AFF2: variants seen among roughly 807,000 people sequenced by gnomAD.
AFF2 encodes the protein AF4/FMR2 family member 2.
AFF2 carries 14 observed loss-of-function variants against 76.9 expected under a neutral mutation model. The ratio of observed to expected loss-of-function variants is 0.18; its 90% confidence interval spans 0.12 to 0.28. The LOEUF is 0.28. Ranked by LOEUF, AFF2 falls within the 10% of genes least tolerant of loss-of-function variation. The pLI, the probability that AFF2 is intolerant of heterozygous loss-of-function variation, is 1.00. For missense variants in AFF2, 868 were observed against 1,001.1 expected (o/e 0.87, Z 1.79); for synonymous variants, 398 against 366.7 (o/e 1.09, Z -0.98).
At chrX:148,960,537 C>G (rs1280103988) in intron 12 of AFF2, among the ~76,000 whole-genome samples, 1 of 112,623 alleles carries the variant, frequency 8.9e-6, no homozygotes, top group Non-Finnish European at 1.9e-5. Context: ...TGAGTTTTCT[C>G]TGGAAAACTT....
chrX:148,963,024 G>A (rs907257442), intron 13 of AFF2, 87 bp downstream of exon 13: 99 of 607,573 alleles, frequency 1.6e-4, no homozygotes, highest in Non-Finnish European at 2.4e-4. Context: ...GATGTTGCAG[G>A]AGGAAGGGAG....
chrX:148,733,897 C>CA (rs2055255473), intron 3 of AFF2, among the ~76,000 whole-genome samples: 2 of 112,345 alleles, frequency 1.8e-5, no homozygotes, highest in Non-Finnish European at 3.8e-5. Context: ...CAGAAGGAGA[C>CA]CAAAACCTAC....
At chrX:148,681,285 C>T (rs1193539653) in intron 3 of AFF2, among the ~76,000 whole-genome samples, 1 of 111,619 alleles carries the variant, frequency 9.0e-6, no homozygotes, top group African/African-American at 3.3e-5. Context: ...CTTGGGGCTG[C>T]TTATGTTTTA....
intron 3 of AFF2, among the ~76,000 whole-genome samples, chrX:148,763,377 A>G (rs1364966700): frequency 5.4e-5 from 6 of 111,584 alleles, no homozygotes; most frequent in African/African-American, 2.0e-4. Flanking sequence ...TCCTAGAACC[A>G]GTATTAGTTT....
intron 1 of AFF2, among the ~76,000 whole-genome samples, chrX:148,587,678 A>G (rs972231369): frequency 1.8e-5 from 2 of 112,168 alleles, no homozygotes; most frequent in African/African-American, 3.2e-5. Context: ...TGATTGTTGA[A>G]AAGTGGCTGA....
chrX:148,522,614 G>A (rs782491447), intron 1 of AFF2, among the ~76,000 whole-genome samples: 4 of 111,583 alleles, frequency 3.6e-5, no homozygotes, highest in African/African-American at 1.3e-4. Flanking sequence ...TGCTCATCGG[G>A]TCTTTGCAAA....
At chrX:148,588,126 C>G (rs2053486782) in intron 1 of AFF2, among the ~76,000 whole-genome samples, 1 of 112,827 alleles carries the variant, frequency 8.9e-6, no homozygotes, top group African/African-American at 3.2e-5. Context: ...GGTTCTTATG[C>G]AGTACATGTA....
rs1384870724 is a variant in AFF2 at position 148,631,261 on chromosome X, A to G, written c.48-20738A>G. ...CAGTCTAAGAAAGTAGTGAAATTAT[A>G]TTGATAAACGATTTACAATTACATC... On this transcript the variant is annotated intron_variant, in intron 1 of 20. Coordinates refer to ENST00000370460, the MANE Select transcript of AFF2 (RefSeq NM_002025.4). Among the ~76,000 whole-genome samples the G allele has an allele frequency of 2.7e-5, 3 of 112,207 alleles. No individual in the cohort carries two copies. In the Admixed American group the frequency reaches 2.8e-4, roughly 11 times the overall value.
chrX:148,914,190 G>A (rs2071501407), intron 9 of AFF2, among the ~76,000 whole-genome samples: 2 of 111,523 alleles, frequency 1.8e-5, no homozygotes, highest in South Asian at 7.6e-4. Context: ...AGTGGGGAGA[G>A]GCCTTTCAAG....
Position 148,652,077 on chromosome X carries a change from T to A in AFF2, c.126T>A (p.Asp42Glu). The A allele has an allele frequency of 8.3e-7, 1 of 1,201,585 alleles. No homozygotes were observed. Among genetic ancestry groups the A allele is most frequent in the Non-Finnish European group, 1.1e-6 (1 of 886,676 alleles). Reference sequence around the variant, plus strand: ...ATCAAGAAGTCCAGCAAGAAGACGATCTCTTTTCTTCAGGCTTTGATCTTT... The same window carrying A: ...ATCAAGAAGTCCAGCAAGAAGACGAACTCTTTTCTTCAGGCTTTGATCTTT... ...RRNQEVQQED[D>E]LFSSGFDLFG... Residue 42 changes from aspartate (D) to glutamate (E), a missense_variant, in exon 2 of 21, where the codon GAT (aspartate) becomes GAA (glutamate). Asp to Glu is a conservative substitution (Grantham distance 45). This residue lies in a region of AFF2 where 196 missense variants were observed against 194.8 expected (regional missense o/e 1.01). Transcript: ENST00000370460.
At chrX:148,744,372 T>C (rs1345692817) in intron 3 of AFF2, among the ~76,000 whole-genome samples, 1 of 112,202 alleles carries the variant, frequency 8.9e-6, no homozygotes, top group African/African-American at 3.2e-5. Context: ...ATCTTGCATG[T>C]ATGTAAACGT....
chrX:148,909,127 A>G (rs959215910), intron 9 of AFF2, among the ~76,000 whole-genome samples: 2 of 112,090 alleles, frequency 1.8e-5, no homozygotes, highest in Non-Finnish European at 3.8e-5. Flanking sequence ...TTGTGTGTTT[A>G]GGACTTTCTA....
chrX:148,657,459 A>G (rs781988345), intron 2 of AFF2, among the ~76,000 whole-genome samples: 49 of 112,590 alleles, frequency 4.4e-4, no homozygotes, highest in Non-Finnish European at 8.2e-4. Flanking sequence ...AAAAAGAAAT[A>G]CTATGGTACA....
At chrX:148,985,285 CTTTTTTTTTT>C (rs151339705) in intron 19 of AFF2, among the ~76,000 whole-genome samples, 12 of 15,383 alleles carry the variant, frequency 7.8e-4, no homozygotes, top group African/African-American at 1.8e-3. Flanking sequence ...TGTGCCTGGC[CTTTTTTTTTT>C]TTTTTTTTTT....
chrX:148,862,320 G>A (rs1346682510), intron 7 of AFF2, among the ~76,000 whole-genome samples: 2 of 111,088 alleles, frequency 1.8e-5, no homozygotes, highest in African/African-American at 6.5e-5. Flanking sequence ...CTGGCTTGTT[G>A]AGGCCACTCA....
intron 1 of AFF2, among the ~76,000 whole-genome samples, chrX:148,581,846 C>G (rs1217648338): frequency 8.9e-6 from 1 of 111,951 alleles, no homozygotes; most frequent in Non-Finnish European, 1.9e-5. Context: ...TGGTACTAAT[C>G]TATCTAAATA....
intron 9 of AFF2, among the ~76,000 whole-genome samples, chrX:148,929,750 A>G (rs782640376): frequency 8.9e-6 from 1 of 111,954 alleles, no homozygotes; most frequent in South Asian, 3.8e-4. Context: ...ATAAAAACCA[A>G]AGATGGGAGG....
chrX:148,840,369 C>T (rs868959074), intron 5 of AFF2, among the ~76,000 whole-genome samples: 6 of 112,251 alleles, frequency 5.3e-5, no homozygotes, highest in South Asian at 7.3e-4. Context: ...CACTTATTTA[C>T]GCATTGTCCA....
rs782573546 is a variant in AFF2, at chrX:148,888,124, A to C, written c.1359+2139A>C. On this transcript the variant is annotated intron_variant, in intron 8 of 20. Coordinates refer to ENST00000370460, the MANE Select transcript of AFF2 (RefSeq NM_002025.4). ...AATCACAAGACTGTGCATCCATCCC[A>C]GTTCCAGAATTTTTCATCACTCCAA... Among the ~76,000 whole-genome samples, 8 of 111,965 alleles carry C rather than the reference A, an allele frequency of 7.1e-5. No homozygotes were observed. In the South Asian group the frequency reaches 2.6e-3, roughly 37 times the overall value.
Sources: gnomAD v4.1 joint callset for allele counts (sites outside exome capture counted in the v4.1 genomes callset) on GRCh38, gnomAD v4.1.1 for gene constraint, gnomAD v4.1.1 regional missense constraint, MANE v1.5 for transcripts, NCBI Gene and HGNC (gene_info 2026-07-23, HGNC 2026-07-21) for gene names.